The following GPC6 variants were observed in gnomAD, a reference collection of about 807,000 sequenced individuals.
GPC6 encodes glypican-6.
Under a neutral mutation model 55.2 loss-of-function variants are expected in GPC6, and 14 were observed. The ratio of observed to expected loss-of-function variants is 0.25; its 90% confidence interval spans 0.17 to 0.40. The LOEUF (loss-of-function observed/expected upper bound fraction) is 0.40, where lower values mean the gene tolerates loss of function less well. Among genes scored for constraint, GPC6 ranks in the 10% least tolerant of loss-of-function variants. The pLI, the probability that GPC6 is intolerant of heterozygous loss-of-function variation, is 1.00. For synonymous variants in GPC6, 278 were observed against 259.6 expected (o/e 1.07, Z -0.68); for missense variants, 641 against 708.5 (o/e 0.90, Z 1.08).
At chr13:94,115,621 T>C (rs529773866) in intron 4 of GPC6, among the ~76,000 whole-genome samples, 2 of 152,208 alleles carry the variant, frequency 1.3e-5, no homozygotes, top group South Asian at 4.1e-4. Flanking sequence ...GAGGATTTTG[T>C]TTACGTGTAC....
At chr13:93,288,083 G>T (rs867904066) in intron 1 of GPC6, among the ~76,000 whole-genome samples, 32 of 152,108 alleles carry the variant, frequency 2.1e-4, no homozygotes, top group African/African-American at 6.8e-4. Context: ...TCTAGAGTGA[G>T]CTGTTTAGTT....
chr13:94,207,118 C>G (rs1889928168), intron 4 of GPC6, among the ~76,000 whole-genome samples: 1 of 152,104 alleles, frequency 6.6e-6, no homozygotes, highest in Admixed American at 6.6e-5. Flanking sequence ...CCCCAGAAAA[C>G]CACAATACAG....
intron 3 of GPC6, among the ~76,000 whole-genome samples, chr13:93,999,800 G>A (rs1881717669): frequency 6.6e-6 from 1 of 152,162 alleles, no homozygotes; most frequent in Admixed American, 6.6e-5. Flanking sequence ...GATTCTGTTA[G>A]AGATTTTCCT....
At chr13:93,458,824 A>T (rs1271950669) in intron 1 of GPC6, among the ~76,000 whole-genome samples, 1 of 152,132 alleles carries the variant, frequency 6.6e-6, no homozygotes, top group African/African-American at 2.4e-5. Context: ...TATGTTCAAA[A>T]ATATATGCCA....
At chr13:94,321,590 G>A (rs1318219396) in intron 6 of GPC6, among the ~76,000 whole-genome samples, 2 of 152,112 alleles carry the variant, frequency 1.3e-5, no homozygotes, top group Non-Finnish European at 2.9e-5. Flanking sequence ...TGACTTGGTG[G>A]CACGTCATAC....
intron 4 of GPC6, among the ~76,000 whole-genome samples, chr13:94,273,620 G>A (rs1186392908): frequency 6.6e-6 from 1 of 152,216 alleles, no homozygotes. Context: ...TAAGCATGTT[G>A]ATGCTATTTG....
chr13:93,609,012 A>T (rs1878355699), intron 2 of GPC6, among the ~76,000 whole-genome samples: 1 of 152,214 alleles, frequency 6.6e-6, no homozygotes, highest in Non-Finnish European at 1.5e-5. Flanking sequence ...ACACATAAAT[A>T]GATACTGGTG....
intron 2 of GPC6, among the ~76,000 whole-genome samples, chr13:93,684,530 A>G (rs1881971214): frequency 6.6e-6 from 1 of 152,216 alleles, no homozygotes; most frequent in Non-Finnish European, 1.5e-5. Flanking sequence ...CAAAATATTT[A>G]TAAAGATTAA....
intron 2 of GPC6, among the ~76,000 whole-genome samples, chr13:93,646,961 T>C (rs543819319): frequency 1.0e-3 from 155 of 152,232 alleles, no homozygotes; most frequent in African/African-American, 3.4e-3. Flanking sequence ...ACAGAACTAA[T>C]GCCATGTCAA....
At chr13:93,514,513 C>G (rs1306752490) in intron 1 of GPC6, among the ~76,000 whole-genome samples, 2 of 152,136 alleles carry the variant, frequency 1.3e-5, no homozygotes, top group African/African-American at 4.8e-5. Flanking sequence ...ATTGTAAATA[C>G]ACAGTGAGTA....
At chr13:93,717,672 G>C (rs778850520) in intron 2 of GPC6, among the ~76,000 whole-genome samples, 1 of 151,636 alleles carries the variant, frequency 6.6e-6, no homozygotes. Context: ...GTGCAGGTTT[G>C]TTACATAGGT....
chr13:94,297,107 C>G (rs1875379736), intron 5 of GPC6, among the ~76,000 whole-genome samples: 1 of 152,118 alleles, frequency 6.6e-6, no homozygotes, highest in South Asian at 2.1e-4. Flanking sequence ...CAGCATACCA[C>G]TGCTTTTCTA....
chr13:93,257,288 C>G (rs887916455), intron 1 of GPC6, among the ~76,000 whole-genome samples: 1 of 145,194 alleles, frequency 6.9e-6, no homozygotes, highest in African/African-American at 2.5e-5. Flanking sequence ...GGCAACAGAG[C>G]AAGATCCTGT....
At chr13:93,539,272 G>T (rs948145734) in intron 1 of GPC6, among the ~76,000 whole-genome samples, 1 of 152,154 alleles carries the variant, frequency 6.6e-6, no homozygotes, top group Non-Finnish European at 1.5e-5. Context: ...ATGCTTCTCA[G>T]TGGGATGTGG....
At chr13:93,748,811 A>G (rs965687091) in intron 2 of GPC6, among the ~76,000 whole-genome samples, 25 of 152,094 alleles carry the variant, frequency 1.6e-4, no homozygotes, top group African/African-American at 5.8e-4. Flanking sequence ...ATTTTCATGA[A>G]CAAGTGAAAA....
intron 2 of GPC6, among the ~76,000 whole-genome samples, chr13:93,601,525 T>G (rs1878016075): frequency 6.6e-6 from 1 of 152,224 alleles, no homozygotes; most frequent in African/African-American, 2.4e-5. Flanking sequence ...GGAAAAGCAT[T>G]CAGTTATTAT....
intron 1 of GPC6, among the ~76,000 whole-genome samples, chr13:93,542,264 C>A (rs866007494): frequency 0.011 from 1,668 of 152,264 alleles, 24 homozygotes; most frequent in African/African-American, 0.038. Context: ...TTCCCAGCAC[C>A]ATTTACTAAA....
At chr13:93,663,651 T>G (rs911469947) in intron 2 of GPC6, among the ~76,000 whole-genome samples, 1 of 152,166 alleles carries the variant, frequency 6.6e-6, no homozygotes. Context: ...TCTTTTGAAG[T>G]GATGAAAACA....
chr13:93,796,657 A>G (rs959459812), intron 2 of GPC6, among the ~76,000 whole-genome samples: 6 of 152,342 alleles, frequency 3.9e-5, no homozygotes, highest in African/African-American at 1.4e-4. Flanking sequence ...TCCTTCCTCC[A>G]GCAACCTTTT....
Sources: gnomAD v4.1 joint callset for allele counts (sites outside exome capture counted in the v4.1 genomes callset) on GRCh38, gnomAD v4.1.1 for gene constraint, MANE v1.5 for transcripts, NCBI Gene and HGNC (gene_info 2026-07-23, HGNC 2026-07-21) for gene names.